Variants in SLC22A15 observed in about 807,000 individuals in gnomAD.
SLC22A15 encodes flipt 1.
SLC22A15 carries 45 observed loss-of-function variants against 62.7 expected under a neutral mutation model. That is an observed-to-expected ratio of 0.72 (90% CI 0.56 to 0.92). The LOEUF is 0.92. Among genes scored for constraint, SLC22A15 ranks in the 40% least tolerant of loss-of-function variants. SLC22A15 has a pLI of 0.00. For synonymous variants in SLC22A15, 264 were observed against 267.0 expected, an observed-to-expected ratio of 0.99 and a Z score of 0.11; for missense variants, 622 against 665.6, an observed-to-expected ratio of 0.93 and a Z score of 0.72.
chr1:115,994,663 CT>C (rs2101106640), intron 2 of SLC22A15, among the ~76,000 whole-genome samples: 1 of 152,236 alleles, frequency 6.6e-6, no homozygotes, highest in South Asian at 2.1e-4. Context: ...ATTATTGTCT[CT>C]CTGTTTTTTC....
chr1:115,990,253 A>G lies in SLC22A15; in HGVS notation c.88-1778A>G, dbSNP rs560873279. On this transcript the variant is annotated intron_variant, in intron 1 of 11. Transcript: ENST00000369503. ...CCTTCCAGGCGAAGCGAATGGTATGAATAAAGGTAGGAAAGGGTACATTTA... is the reference window on the plus strand; with the variant it reads ...CCTTCCAGGCGAAGCGAATGGTATGGATAAAGGTAGGAAAGGGTACATTTA... Among the ~76,000 whole-genome samples, 20 of 152,336 alleles carry G rather than the reference A, an allele frequency of 1.3e-4. 1 individual carries two copies. The highest frequency in any genetic ancestry group is 3.6e-4 in the African/African-American group (15 of 41,574).
At chr1:116,004,808 G>T (rs1254905549) in intron 2 of SLC22A15, among the ~76,000 whole-genome samples, 2 of 152,126 alleles carry the variant, frequency 1.3e-5, no homozygotes, top group Non-Finnish European at 2.9e-5. Flanking sequence ...TGTACCTGTA[G>T]ATTTCCTTTT....
chr1:115,976,624 C>G lies in SLC22A15; in HGVS notation c.-4C>G, dbSNP rs200814494. The G allele has an allele frequency of 1.3e-6, 2 of 1,572,304 alleles. No individual in the cohort carries two copies. Among genetic ancestry groups the G allele is most frequent in the South Asian group, 2.3e-5 (2 of 88,156 alleles). On this transcript the variant is annotated 5_prime_UTR_variant, in exon 1 of 12. Coordinates refer to ENST00000369503, the MANE Select transcript of SLC22A15 (RefSeq NM_018420.3). ...GGTGGCGGGGTTCCTGCGCGCGGCC[C>G]GCCATGGAGGTGGAGGAGGCGTTCC...
rs546984536 is a variant in SLC22A15, at chr1:115,985,962, A to AG, written c.88-6069_88-6068insG. On this transcript the variant is annotated intron_variant, in intron 1 of 11. Transcript: ENST00000369503. ...CTCCATCTCAAAAAAAAAAAAAAAAAAGAGAGAGAAACAGATGCGATTAAA... is the reference window on the plus strand; with the variant it reads ...CTCCATCTCAAAAAAAAAAAAAAAAAGAGAGAGAGAAACAGATGCGATTAAA... Among the ~76,000 whole-genome samples, 135 of 151,292 alleles carry AG rather than the reference A, an allele frequency of 8.9e-4. 1 individual carries two copies. The highest frequency in any genetic ancestry group is 8.3e-4 in the Non-Finnish European group (56 of 67,812).
intron 8 of SLC22A15, among the ~76,000 whole-genome samples, chr1:116,059,405 T>G (rs1658318559): frequency 6.6e-6 from 1 of 152,140 alleles, no homozygotes; most frequent in South Asian, 2.1e-4. Flanking sequence ...CCAAACTGGA[T>G]GGAACTCAAA....
rs182695959 is a variant in SLC22A15 at position 116,034,445 on chromosome 1, A to T, written c.945-742A>T. On this transcript the variant is annotated intron_variant, in intron 6 of 11. Transcript: ENST00000369503. The stretch of plus-strand genomic sequence containing the variant: ...ATTGTAGGAGAGAGGCTTGGTGCCT[A>T]GCACTATGCCTGCCACCCAAGAGGA... Among the ~76,000 whole-genome samples the T allele has an allele frequency of 7.0e-4, 106 of 152,326 alleles. No homozygotes were observed. The East Asian group carries it at 0.019, about 27-fold the overall frequency.
intron 2 of SLC22A15, among the ~76,000 whole-genome samples, chr1:116,003,911 C>T (rs1655853830): frequency 2.6e-5 from 4 of 152,194 alleles, no homozygotes. Flanking sequence ...ATTCTTAAAA[C>T]TAGAGAAAGT....
At chr1:116,048,504 A>G (rs1657981007) in intron 8 of SLC22A15, among the ~76,000 whole-genome samples, 2 of 152,236 alleles carry the variant, frequency 1.3e-5, no homozygotes, top group Non-Finnish European at 2.9e-5. Context: ...TATGAAGGAA[A>G]GATAGTCTTT....
At chr1:116,041,972 A>G (rs1481889223) in intron 8 of SLC22A15, among the ~76,000 whole-genome samples, 1 of 151,362 alleles carries the variant, frequency 6.6e-6, no homozygotes, top group African/African-American at 2.4e-5. Context: ...TTGTTTTGCC[A>G]TAAAAGTGCT....
chr1:116,032,977 A>C (rs927236659), intron 6 of SLC22A15, among the ~76,000 whole-genome samples: 10 of 152,232 alleles, frequency 6.6e-5, no homozygotes, highest in Non-Finnish European at 1.3e-4. Context: ...ACAAACAAAC[A>C]AACCCTAGAC....
chr1:116,015,744 C>T (rs1656490551), intron 2 of SLC22A15, among the ~76,000 whole-genome samples: 1 of 152,084 alleles, frequency 6.6e-6, no homozygotes, highest in East Asian at 1.9e-4. Flanking sequence ...GAGACTAAAA[C>T]AAACACTAAG....
chr1:115,998,161 T>G (rs142698916), intron 2 of SLC22A15, among the ~76,000 whole-genome samples: 2 of 152,292 alleles, frequency 1.3e-5, no homozygotes, highest in East Asian at 1.9e-4. Flanking sequence ...GACCTTTTAA[T>G]GTATTGTTGA....
At chr1:116,050,016 G>GA (rs1658010135) in intron 8 of SLC22A15, among the ~76,000 whole-genome samples, 3 of 151,962 alleles carry the variant, frequency 2.0e-5, no homozygotes, top group African/African-American at 7.2e-5. Flanking sequence ...ATAAGTTCAT[G>GA]GAAAAATACA....
At chr1:116,062,440 A>G (rs1658406864) in intron 8 of SLC22A15, among the ~76,000 whole-genome samples, 1 of 152,204 alleles carries the variant, frequency 6.6e-6, no homozygotes, top group Non-Finnish European at 1.5e-5. Context: ...ACACCCTTGG[A>G]AGATGAAACT....
At chr1:116,007,002 G>A (rs1656015360) in intron 2 of SLC22A15, among the ~76,000 whole-genome samples, 1 of 151,992 alleles carries the variant, frequency 6.6e-6, no homozygotes, top group Non-Finnish European at 1.5e-5. Flanking sequence ...CGTAGACTGG[G>A]ATGTATATGT....
intron 8 of SLC22A15, among the ~76,000 whole-genome samples, chr1:116,052,220 C>T (rs546137021): frequency 6.6e-5 from 10 of 152,240 alleles, no homozygotes; most frequent in South Asian, 2.1e-4. Context: ...GCTTTTCTGA[C>T]GGGCTTAGGA....
In SLC22A15 at chr1:116,068,844, A is replaced by G. The variant is rs1658553937; in HGVS notation, c.*1736A>G. 6.6e-6 allele frequency: 1 copy of G among 152,228 alleles called. No homozygotes were observed. Among genetic ancestry groups the G allele is most frequent in the Admixed American group, 6.5e-5 (1 of 15,278 alleles). 9.4% of individuals were successfully genotyped at this position (152,228 alleles called of 1,614,324 possible). A position where few individuals can be genotyped will look rare whatever the true frequency, so the allele number is the denominator to read the frequency against. ...GAACTTACAAAGACACTTAAAAGTT[A>G]TTCTTAAATGGTGGTTGGGCATTTA... On this transcript the variant is annotated 3_prime_UTR_variant, in exon 12 of 12. Coordinates refer to ENST00000369503, the MANE Select transcript of SLC22A15 (RefSeq NM_018420.3).
At chr1:115,998,766 A>C (rs1009989037) in intron 2 of SLC22A15, among the ~76,000 whole-genome samples, 11 of 151,926 alleles carry the variant, frequency 7.2e-5, no homozygotes, top group African/African-American at 2.4e-4. Context: ...ACTTTTTTAA[A>C]ATTTCAATTT....
At chr1:115,994,272 A>C (rs1655311528) in intron 2 of SLC22A15, among the ~76,000 whole-genome samples, 1 of 152,214 alleles carries the variant, frequency 6.6e-6, no homozygotes, top group African/African-American at 2.4e-5. Context: ...ATGATATGCC[A>C]GGGATTGTGA....
Sources: allele counts gnomAD v4.1 joint callset (sites outside exome capture counted in the v4.1 genomes callset), GRCh38; gene constraint gnomAD v4.1.1; transcripts MANE v1.5; gene names NCBI Gene and HGNC (gene_info 2026-07-23, HGNC 2026-07-21).